BASP1: variants seen among roughly 807,000 people sequenced by gnomAD.
BASP1 encodes the protein brain abundant membrane attached signal protein 1, also known as brain acid soluble protein 1.
A neutral mutation model predicts 2.2 loss-of-function variants in BASP1; 1 was observed. The observed-to-expected ratio is 0.46, with a 90% CI of 0.16 to 2.17. The LOEUF (loss-of-function observed/expected upper bound fraction) is 2.17, where lower values mean the gene tolerates loss of function less well. Among genes scored for constraint, BASP1 ranks in the 30% most tolerant of loss-of-function variants. BASP1 has a pLI of 0.27. For missense variants in BASP1, 352 were observed against 327.2 expected (o/e 1.08, Z -0.58); for synonymous variants, 187 against 154.2 (o/e 1.21, Z -1.58).
At chr5:17,219,525 G>A (rs1739351465) in intron 1 of BASP1, among the ~76,000 whole-genome samples, 4 of 152,172 alleles carry the variant, frequency 2.6e-5, no homozygotes, top group Admixed American at 2.6e-4. Context: ...ACTGTTCATT[G>A]TTCTTTTTCC....
chr5:17,273,234 T>C (rs1740565470), intron 1 of BASP1, among the ~76,000 whole-genome samples: 1 of 152,224 alleles, frequency 6.6e-6, no homozygotes, highest in Non-Finnish European at 1.5e-5. Context: ...TTTATTTCTT[T>C]ATATTTTCAT....
At position 17,229,638 on chromosome 5, in the gene BASP1, A is replaced by C. The variant is rs189231084; in HGVS notation, c.-10+11828A>C. On this transcript the variant is annotated intron_variant, in intron 1 of 1. Transcript: ENST00000322611. ...AGGCTGGGAAGATGCACCCGCATTA[A>C]CACAAGTTGGAGAGGCACCAATGCT... 1.6e-3 allele frequency among the ~76,000 whole-genome samples: 250 copies of C among 152,314 alleles called. 1 individual carries two copies. The highest frequency in any genetic ancestry group is 3.1e-3 in the Non-Finnish European group (208 of 68,016).
At chr5:17,223,858 A>G (rs1482033488) in intron 1 of BASP1, among the ~76,000 whole-genome samples, 2 of 152,216 alleles carry the variant, frequency 1.3e-5, no homozygotes, top group Non-Finnish European at 2.9e-5. Context: ...TGATAAGCCA[A>G]CTTAGGTATT....
intron 1 of BASP1, among the ~76,000 whole-genome samples, chr5:17,232,686 A>G (rs1739658341): frequency 6.6e-6 from 1 of 152,108 alleles, no homozygotes; most frequent in Non-Finnish European, 1.5e-5. Flanking sequence ...GCTTGTAACG[A>G]ACCTTTGGCA....
chr5:17,229,060 C>A (rs1579481993), intron 1 of BASP1, among the ~76,000 whole-genome samples: 1 of 152,142 alleles, frequency 6.6e-6, no homozygotes, highest in East Asian at 1.9e-4. Context: ...CGTGGCAAAC[C>A]AGCAAGCCCT....
chr5:17,272,363 G>A (rs1165705828), intron 1 of BASP1, among the ~76,000 whole-genome samples: 1 of 152,082 alleles, frequency 6.6e-6, no homozygotes, highest in Non-Finnish European at 1.5e-5. Context: ...GTGCCTTCCT[G>A]CCTTACTGAA....
intron 1 of BASP1, among the ~76,000 whole-genome samples, chr5:17,237,176 C>T (rs768877855): frequency 1.6e-4 from 25 of 152,062 alleles, no homozygotes; most frequent in Non-Finnish European, 2.1e-4. Context: ...AAACCTGTCT[C>T]TACTAAAAAT....
chr5:17,232,111 G>C lies in BASP1; in HGVS notation c.-10+14301G>C, dbSNP rs1170940970. ...ACATTACAAGTAATGAGTACTGATG[G>C]CTCATGCATCTGAGTGTCCTCCCAA... On this transcript the variant is annotated intron_variant, in intron 1 of 1. Transcript: ENST00000322611. 3.3e-5 allele frequency among the ~76,000 whole-genome samples: 5 copies of C among 152,316 alleles called. No individual in the cohort carries two copies. The East Asian group carries it at 9.6e-4, about 29-fold the overall frequency.
chr5:17,218,313 G>C (rs959981140), intron 1 of BASP1, among the ~76,000 whole-genome samples: 1 of 151,850 alleles, frequency 6.6e-6, no homozygotes, highest in Non-Finnish European at 1.5e-5. Context: ...GGAGAAAGAA[G>C]ATGGGGAATC....
intron 1 of BASP1, chr5:17,240,465 G>A (rs1279723523): frequency 6.6e-6 from 1 of 152,220 alleles, no homozygotes; most frequent in Non-Finnish European, 1.5e-5. Context: ...GAATCTGGGA[G>A]GCAGAGGTTG....
At chr5:17,257,372 A>T (rs1460476545) in intron 1 of BASP1, among the ~76,000 whole-genome samples, 1 of 152,198 alleles carries the variant, frequency 6.6e-6, no homozygotes, top group Admixed American at 6.5e-5. Flanking sequence ...CCTATTGTTT[A>T]CCTGTGTTGA....
At chr5:17,233,201 G>A (rs527378463) in intron 1 of BASP1, among the ~76,000 whole-genome samples, 102 of 152,266 alleles carry the variant, frequency 6.7e-4, no homozygotes, top group African/African-American at 2.3e-3. Flanking sequence ...GATGGTAGGC[G>A]TCTTTATTGT....
chr5:17,239,995 G>A (rs1386324446), intron 1 of BASP1, among the ~76,000 whole-genome samples: 3 of 152,014 alleles, frequency 2.0e-5, no homozygotes, highest in East Asian at 1.9e-4. Flanking sequence ...AAATTCCTAC[G>A]TTGGAACCTA....
chr5:17,262,909 C>T lies in BASP1; in HGVS notation c.-9-12299C>T, dbSNP rs546617024. 5.9e-5 allele frequency among the ~76,000 whole-genome samples: 9 copies of T among 151,634 alleles called. No homozygotes were observed. The South Asian group carries it at 6.3e-4, about 11-fold the overall frequency. On this transcript the variant is annotated intron_variant, in intron 1 of 1. Transcript: ENST00000322611. Reference sequence around the variant, plus strand: ...GCGCCCAGGCTGGAGTGCAGTGGCACGATCTCGGCTCACTGCAAGCTCCGC... The same window carrying T: ...GCGCCCAGGCTGGAGTGCAGTGGCATGATCTCGGCTCACTGCAAGCTCCGC...
At chr5:17,249,729 G>C (rs1366466767) in intron 1 of BASP1, among the ~76,000 whole-genome samples, 1 of 151,962 alleles carries the variant, frequency 6.6e-6, no homozygotes, top group East Asian at 1.9e-4. Context: ...AAATGATTCT[G>C]TCTGTAGTAA....
At chr5:17,216,865 C>G (rs1739244381), upstream of BASP1, 1 of 152,516 alleles carries the variant, frequency 6.6e-6, no homozygotes, top group Admixed American at 6.5e-5. This position sits in a 1 kb window ranked among gnomAD's most constrained non-coding sequence, Gnocchi z 6.4. Flanking sequence ...GCGCCTGCAG[C>G]TGGGGCTCAC....
At chr5:17,253,212 T>C (rs934397288) in intron 1 of BASP1, among the ~76,000 whole-genome samples, 1 of 152,220 alleles carries the variant, frequency 6.6e-6, no homozygotes, top group Non-Finnish European at 1.5e-5. Flanking sequence ...TATTTGTTTA[T>C]TTGTATTTAC....
At chr5:17,219,813 C>T (rs183678216) in intron 1 of BASP1, among the ~76,000 whole-genome samples, 97 of 152,278 alleles carry the variant, frequency 6.4e-4, no homozygotes, top group African/African-American at 2.3e-3. Flanking sequence ...TTAAGGATTC[C>T]AAAAGGCGAA....
chr5:17,268,227 A>G (rs1419269184), intron 1 of BASP1, among the ~76,000 whole-genome samples: 2 of 152,228 alleles, frequency 1.3e-5, no homozygotes, highest in Admixed American at 6.5e-5. Context: ...AGCAAACTTC[A>G]TACTGAGTGC....
Sources: gnomAD v4.1 joint callset for allele counts (sites outside exome capture counted in the v4.1 genomes callset) on GRCh38, gnomAD v4.1.1 for gene constraint, Gnocchi (gnomAD v3.1) non-coding constraint, MANE v1.5 for transcripts, NCBI Gene and HGNC (gene_info 2026-07-23, HGNC 2026-07-21) for gene names.